DNAH1: variants seen among roughly 807,000 people sequenced by gnomAD.
DNAH1 encodes the protein dynein axonemal heavy chain 1.
DNAH1 carries 327 observed loss-of-function variants against 484.3 expected under a neutral mutation model. The ratio of observed to expected loss-of-function variants is 0.68; its 90% CI spans 0.62 to 0.74. The LOEUF is 0.74. Among genes scored for constraint, DNAH1 ranks in the 30% least tolerant of loss-of-function variants. The probability of loss-of-function intolerance (pLI) is 0.00; values close to 1 mark genes in which losing one functional copy is unlikely to be tolerated. For missense variants in DNAH1, 5,052 were observed against 5,546.8 expected, an observed-to-expected ratio of 0.91 and a Z score of 2.83; for synonymous variants, 2,192 against 2,191.9, an observed-to-expected ratio of 1.00 and a Z score of 0.00.
rs147611199 is a variant in DNAH1, at chr3:52,392,225, C to T, written c.10053-239C>T. 3.1e-3 allele frequency among the ~76,000 whole-genome samples: 473 copies of T among 152,356 alleles called. 2 individuals carry two copies. The highest frequency in any genetic ancestry group is 0.017 in the Middle Eastern group (5 of 294). On this transcript the variant is annotated intron_variant, in intron 63 of 77. Coordinates refer to ENST00000420323, the MANE Select transcript of DNAH1 (RefSeq NM_015512.5). ...CCAGCCGCTCACACATCCAACTGCTCAGCCCCTTCTAGGATTCCAGGCTGC... is the reference window on the plus strand; with the variant it reads ...CCAGCCGCTCACACATCCAACTGCTTAGCCCCTTCTAGGATTCCAGGCTGC...
At chr3:52,393,611 C>T (rs1704492303) in intron 66 of DNAH1, 126 bp downstream of exon 66, 3 of 1,388,448 alleles carry the variant, frequency 2.2e-6, no homozygotes, top group Non-Finnish European at 2.9e-6. Flanking sequence ...GCAGAGGAAA[C>T]AATTCCTTGA....
chr3:52,356,035 C>G (rs1702595765), intron 21 of DNAH1, among the ~76,000 whole-genome samples: 1 of 152,186 alleles, frequency 6.6e-6, no homozygotes, highest in African/African-American at 2.4e-5. Flanking sequence ...CTGACTGTGA[C>G]CCCCATCCCA....
intron 1 of DNAH1, among the ~76,000 whole-genome samples, chr3:52,321,424 C>G (rs549124965): frequency 6.6e-6 from 1 of 152,272 alleles, no homozygotes; most frequent in South Asian, 2.1e-4. Context: ...CTCTTTTTTT[C>G]TAATTGCAAT....
In DNAH1 at chr3:52,379,436, G is replaced by T. The variant is rs185566164; in HGVS notation, c.7378-469G>T. ...CACCCAGGGAGATGCAGGGAAGCTG[G>T]GACAGAGGCGGCAGCTGAGATGGAG... On this transcript the variant is annotated intron_variant, in intron 47 of 77. Coordinates refer to ENST00000420323, the MANE Select transcript of DNAH1 (RefSeq NM_015512.5). This position sits in a 1 kb window ranked among gnomAD's most constrained non-coding sequence, Gnocchi z 4.4. 1.8e-3 allele frequency among the ~76,000 whole-genome samples: 276 copies of T among 152,264 alleles called. 2 individuals carry two copies. The highest frequency in any genetic ancestry group is 6.4e-3 in the African/African-American group (267 of 41,548).
chr3:52,332,173 G>A lies in DNAH1; in HGVS notation c.1065G>A (p.Trp355Ter). Reference sequence around the variant, plus strand: ...CACCCCTTCAGGTCTGTCAGTACTGGGTGCCACGGATCCAGCTTCTCTTCT... The same window carrying A: ...CACCCCTTCAGGTCTGTCAGTACTGAGTGCCACGGATCCAGCTTCTCTTCT... ...GRPPLQVCQYWVPRIQLLFCA... is the reference protein window; with the variant it reads ...GRPPLQVCQY Residue 355 changes from tryptophan to a stop codon, truncating the protein, a stop_gained, in exon 8 of 78, where the codon TGG becomes TGA. Coordinates refer to ENST00000420323, the MANE Select transcript of DNAH1 (RefSeq NM_015512.5). LOFTEE classifies it high-confidence loss of function. 1 of 1,578,206 alleles carries A rather than the reference G, an allele frequency of 6.3e-7. No homozygotes were observed. The highest frequency in any genetic ancestry group is 8.6e-7 in the Non-Finnish European group (1 of 1,161,528).
rs946009511 is a variant in DNAH1 at position 52,386,843 on chromosome 3, A to T, written c.8993A>T (p.Lys2998Met). 1 of 1,572,350 alleles carries T rather than the reference A, an allele frequency of 6.4e-7. No homozygotes were observed. Among genetic ancestry groups the T allele is most frequent in the African/African-American group, 1.4e-5 (1 of 73,630 alleles). Residue 2998 changes from lysine to methionine, a missense_variant, in exon 56 of 78, where the codon AAG becomes ATG. Transcript: ENST00000420323. Reference protein sequence around the residue: ...DPGHFLESLFKFDKDNIGDVV... With the variant: ...DPGHFLESLFMFDKDNIGDVV... Reference sequence around the variant, plus strand: ...GGCCACTTCCTTGAGAGCCTCTTCAAGTTTGACAAGGTAAGCATGCCAGGC... The same window carrying T: ...GGCCACTTCCTTGAGAGCCTCTTCATGTTTGACAAGGTAAGCATGCCAGGC...
At chr3:52,345,762 C>A (rs1000326228) in intron 10 of DNAH1, 56 bp downstream of exon 10, 8 of 1,545,890 alleles carry the variant, frequency 5.2e-6, no homozygotes, top group Non-Finnish European at 7.0e-6. Context: ...TTGGAACTGG[C>A]AGGCACAGGT....
chr3:52,351,111 A>G (rs539658936), intron 16 of DNAH1, among the ~76,000 whole-genome samples: 1 of 152,222 alleles, frequency 6.6e-6, no homozygotes, highest in South Asian at 2.1e-4. Context: ...CGCCCTCCCA[A>G]ACTGCTAGGA....
intron 32 of DNAH1, 61 bp downstream of exon 32, chr3:52,363,205 A>G: frequency 4.4e-6 from 7 of 1,596,032 alleles, no homozygotes; most frequent in Non-Finnish European, 6.0e-6. Context: ...CCCAGCCTCC[A>G]GGGCACCTGC....
chr3:52,374,424 C>A, intron 44 of DNAH1: 2 of 1,322,380 alleles, frequency 1.5e-6, no homozygotes, highest in Non-Finnish European at 2.2e-6. Context: ...GGTGATGACA[C>A]TTCTCAAATG....
rs1370337231 is a variant in DNAH1 at position 52,396,524 on chromosome 3, A to T, written c.11416A>T (p.Asn3806Tyr). ...TAGTAGCCTTGGTGAAGACTTCCTC[A>T]ACTCCTGCCACAAGGTGAGGCACAC... ...SYSSLGEDFLNSCHKVMEFKS... is the reference protein window; with the variant it reads ...SYSSLGEDFLYSCHKVMEFKS... The change falls in exon 71 of 78, where the codon AAC becomes TAC. Residue 3806 changes from asparagine to tyrosine, a missense_variant. Coordinates refer to ENST00000420323, the MANE Select transcript of DNAH1 (RefSeq NM_015512.5). 1.2e-6 allele frequency: 2 copies of T among 1,612,144 alleles called. No homozygotes were observed. The highest frequency in any genetic ancestry group is 8.5e-7 in the Non-Finnish European group (1 of 1,179,168).
chr3:52,359,736 A>ATG (rs1446380822), intron 26 of DNAH1, among the ~76,000 whole-genome samples, 180 bp from the exon 27 acceptor site: 2 of 152,190 alleles, frequency 1.3e-5, no homozygotes, highest in African/African-American at 4.8e-5. Context: ...GACGCCAGGC[A>ATG]TGTGCCTCTA....
Position 52,362,408 on chromosome 3 carries a change from G to T in DNAH1, c.5001G>T (p.Glu1667Asp). 6.2e-7 allele frequency: 1 copy of T among 1,613,842 alleles called. No individual in the cohort carries two copies. ...TGCAGGTGGAACGCTTCATGTTTGA[G>T]GGTGTGGAGATCCCACTGGTGCCAT... ...QQQRVERFMFEGVEIPLVPSC... is the reference protein window; with the variant it reads ...QQQRVERFMFDGVEIPLVPSC... Residue 1667 changes from glutamate to aspartate, a missense_variant, in exon 31 of 78, where the codon GAG (glutamate) becomes GAT (aspartate). By Grantham distance (45) the Glu-to-Asp change is conservative (BLOSUM62 2). Transcript: ENST00000420323. This position sits in a 1 kb window ranked among gnomAD's most constrained non-coding sequence, Gnocchi z 5.1.
intron 77 of DNAH1, 61 bp downstream of exon 77, chr3:52,399,840 G>A: frequency 6.6e-7 from 1 of 1,509,392 alleles, no homozygotes; most frequent in Non-Finnish European, 9.1e-7. Context: ...ACCCAGCCCA[G>A]CCCAAGCCAG....
Position 52,364,518 on chromosome 3 carries a change from G to A in DNAH1, c.5245-120G>A. The A allele has an allele frequency of 8.7e-7, 1 of 1,151,308 alleles. No homozygotes were observed. The highest frequency in any genetic ancestry group is 1.3e-6 in the Non-Finnish European group (1 of 771,596). 71.3% of individuals were successfully genotyped at this position (1,151,308 alleles called of 1,614,324 possible). Reference sequence around the variant, plus strand: ...GTAGGTGGTCCCAGCAGGTCTGCAAGGGAAGTGCTATGAGCTGGTGATGAG... The same window carrying A: ...GTAGGTGGTCCCAGCAGGTCTGCAAAGGAAGTGCTATGAGCTGGTGATGAG... On this transcript the variant is annotated intron_variant, in intron 32 of 77. Coordinates refer to ENST00000420323, the MANE Select transcript of DNAH1 (RefSeq NM_015512.5). This position sits in a 1 kb window ranked among gnomAD's most constrained non-coding sequence, Gnocchi z 4.2.
In DNAH1 at chr3:52,396,955, G is replaced by A. The variant is rs753112890; in HGVS notation, c.11698G>A (p.Asp3900Asn). 1.9e-6 allele frequency: 3 copies of A among 1,613,404 alleles called. No homozygotes were observed. The highest frequency in any genetic ancestry group is 2.2e-5 in the East Asian group (1 of 44,848). ...GCGCTGCATCATGAACATCTTGGAG[G>A]ACTTCTACAACCCTGACGTGCTCTC... ...DRRCIMNILEDFYNPDVLSPE... is the reference protein window; with the variant it reads ...DRRCIMNILENFYNPDVLSPE... Residue 3900 changes from aspartate to asparagine, a missense_variant, in exon 73 of 78, where the codon GAC (aspartate) becomes AAC (asparagine). Asp to Asn is a conservative substitution (Grantham distance 23). Around this residue, in one of 4 missense-constraint regions of DNAH1, gnomAD observed 853 missense variants for 899.0 expected, o/e 0.95. Coordinates refer to ENST00000420323, the MANE Select transcript of DNAH1 (RefSeq NM_015512.5).
chr3:52,390,998 C>A lies in DNAH1; in HGVS notation c.9685C>A (p.Arg3229Ser). The change falls in exon 61 of 78, where the codon CGC (arginine) becomes AGC (serine). Residue 3229 changes from arginine (R) to serine (S), a missense_variant. Arg to Ser is a moderately radical substitution (Grantham distance 110, BLOSUM62 -1). This residue lies in a region of DNAH1 where 2,929 missense variants were observed against 3,409.4 expected (regional missense o/e 0.86). Transcript: ENST00000420323. ...ENGVINQFSQ[R>S]WTHFIDPQSQ... is the part of the protein sequence containing the mutation. ...CGGGGTCATCAACCAGTTTTCCCAGCGCTGGACCCACTTCATTGACCCTCA... is the reference window on the plus strand; with the variant it reads ...CGGGGTCATCAACCAGTTTTCCCAGAGCTGGACCCACTTCATTGACCCTCA... 2 of 1,554,272 alleles carry A rather than the reference C, an allele frequency of 1.3e-6. No individual in the cohort carries two copies. Among genetic ancestry groups the A allele is most frequent in the Non-Finnish European group, 1.7e-6 (2 of 1,148,482 alleles).
chr3:52,389,509 A>G lies in DNAH1; in HGVS notation c.9544A>G (p.Ser3182Gly). 4 of 1,600,682 alleles carry G rather than the reference A, an allele frequency of 2.5e-6. No individual in the cohort carries two copies. The highest frequency in any genetic ancestry group is 1.3e-5 in the African/African-American group (1 of 74,826). Residue 3182 changes from serine to glycine, a missense_variant, in exon 60 of 78, where the codon AGC (serine) becomes GGC (glycine). Around this residue, in one of 4 missense-constraint regions of DNAH1, gnomAD observed 2,929 missense variants for 3,409.4 expected, o/e 0.86. Transcript: ENST00000420323. Reference sequence around the variant, plus strand: ...CGACAGCTGGGTCAAGCAGCTCAGGAGCCACAATGTCCCACACACCTCCGA... The same window carrying G: ...CGACAGCTGGGTCAAGCAGCTCAGGGGCCACAATGTCCCACACACCTCCGA... ...LYDSWVKQLR[S>G]HNVPHTSEPT...
rs765517240 is a variant in DNAH1, at chr3:52,361,176, A to G, written c.4698A>G (p.Thr1566=). 23 of 1,607,388 alleles carry G rather than the reference A, an allele frequency of 1.4e-5. No homozygotes were observed. The highest frequency in any genetic ancestry group is 1.7e-5 in the Non-Finnish European group (20 of 1,177,208). Residue 1566 remains threonine (T), a synonymous_variant, in exon 29 of 78, where the codon ACA becomes ACG. Transcript: ENST00000420323. The surrounding 1 kb of genome is among the most constrained non-coding windows in gnomAD (Gnocchi z 5.6). ...CTGTCTCCTGCAGGTGCTACCTGAC[A>G]CTGACCGGAGCTCTGCACCTCAAGT... ...ITPLTDRCYL[T]LTGALHLKFG...
Sources: gnomAD v4.1 joint callset for allele counts (sites outside exome capture counted in the v4.1 genomes callset) on GRCh38, gnomAD v4.1.1 for gene constraint, gnomAD v4.1.1 regional missense constraint, Gnocchi (gnomAD v3.1) non-coding constraint, MANE v1.5 for transcripts, NCBI Gene and HGNC (gene_info 2026-07-23, HGNC 2026-07-21) for gene names.